Variants in OR2L13 observed in about 807,000 individuals in gnomAD.
The protein encoded by OR2L13 is olfactory receptor 2L13.
In OR2L13, 14 loss-of-function variants were observed where a neutral mutation model predicts 15.3. The ratio of observed to expected loss-of-function variants is 0.91; its 90% CI spans 0.60 to 1.43. The LOEUF (loss-of-function observed/expected upper bound fraction) is 1.43. Ranked by LOEUF, OR2L13 falls within the 40% of genes most tolerant of loss-of-function variation. The pLI, the probability that OR2L13 is intolerant of heterozygous loss-of-function variation, is 0.00. For missense variants in OR2L13, 367 were observed against 387.9 expected (o/e 0.95, Z 0.45); for synonymous variants, 152 against 142.9 (o/e 1.06, Z -0.45).
At chr1:247,971,495 G>A in the OR2L13 span, among the ~76,000 whole-genome samples, 1 of 152,134 alleles carries the variant, frequency 6.6e-6, no homozygotes, top group Non-Finnish European at 1.5e-5. Flanking sequence ...TGATGATAGG[G>A]TCATGTCATC....
At chr1:248,083,444 A>T in the OR2L13 span, 1 of 565,958 alleles carries the variant, frequency 1.8e-6, no homozygotes, top group Admixed American at 3.2e-5. Flanking sequence ...ATTTTACTTC[A>T]CTTGAAGAAA....
the OR2L13 span, among the ~76,000 whole-genome samples, chr1:248,052,896 TCTA>T: frequency 6.6e-6 from 1 of 152,150 alleles, no homozygotes; most frequent in Non-Finnish European, 1.5e-5. Flanking sequence ...TGATAGAGAT[TCTA>T]CTAATTTTTT....
At chr1:247,951,564 C>T in the OR2L13 span, among the ~76,000 whole-genome samples, 2 of 152,042 alleles carry the variant, frequency 1.3e-5, no homozygotes, top group Admixed American at 6.6e-5. Context: ...TATTTCTAAG[C>T]CTGTGGATAT....
the OR2L13 span, among the ~76,000 whole-genome samples, chr1:247,966,845 A>G: frequency 2.6e-5 from 4 of 152,206 alleles, no homozygotes; most frequent in Admixed American, 6.5e-5. Context: ...TTAATATTGA[A>G]TAATGTATTA....
chr1:248,096,046 T>G (rs969857304), upstream of OR2L13, among the ~76,000 whole-genome samples: 7 of 152,058 alleles, frequency 4.6e-5, no homozygotes, highest in Admixed American at 2.0e-4. Context: ...ATCAGGAAAC[T>G]CTCTGCTGCA....
chr1:248,016,102 A>T, the OR2L13 span, among the ~76,000 whole-genome samples: 1 of 152,178 alleles, frequency 6.6e-6, no homozygotes, highest in Non-Finnish European at 1.5e-5. Context: ...TGAATATGTG[A>T]ATTACTTAAA....
the OR2L13 span, among the ~76,000 whole-genome samples, chr1:248,065,637 A>G: frequency 2.3e-3 from 277 of 121,090 alleles, no homozygotes; most frequent in African/African-American, 8.5e-3. Context: ...TCCTGTGTCC[A>G]TGTGTTCTCA....
chr1:248,053,038 C>T, the OR2L13 span, among the ~76,000 whole-genome samples: 92 of 152,014 alleles, frequency 6.1e-4, no homozygotes, highest in Non-Finnish European at 1.1e-3. Flanking sequence ...ATTTGCTGCA[C>T]GTATCAATCC....
chr1:247,963,232 A>G, the OR2L13 span, among the ~76,000 whole-genome samples: 1 of 152,146 alleles, frequency 6.6e-6, no homozygotes, highest in African/African-American at 2.4e-5. Context: ...GTTTTCTGGG[A>G]AAGGTGAGGG....
At chr1:247,997,636 A>C in the OR2L13 span, among the ~76,000 whole-genome samples, 4 of 152,178 alleles carry the variant, frequency 2.6e-5, no homozygotes, top group African/African-American at 9.6e-5. Flanking sequence ...CAAGCTATAG[A>C]GTTTCATGAA....
At chr1:247,943,249 G>C in the OR2L13 span, among the ~76,000 whole-genome samples, 1 of 152,094 alleles carries the variant, frequency 6.6e-6, no homozygotes, top group Non-Finnish European at 1.5e-5. Context: ...ATAAAGATGG[G>C]AATAGTAGAC....
At chr1:247,956,821 C>G in the OR2L13 span, among the ~76,000 whole-genome samples, 1 of 152,216 alleles carries the variant, frequency 6.6e-6, no homozygotes, top group East Asian at 1.9e-4. Context: ...CTGAAGTTGC[C>G]TATCAGCTTA....
At chr1:248,004,583 G>A in the OR2L13 span, among the ~76,000 whole-genome samples, 10 of 152,248 alleles carry the variant, frequency 6.6e-5, no homozygotes, top group Admixed American at 3.3e-4. Context: ...CAGAGAGCTC[G>A]TCAGGGATTC....
the OR2L13 span, among the ~76,000 whole-genome samples, chr1:248,065,568 A>G: frequency 6.8e-6 from 1 of 147,748 alleles, no homozygotes; most frequent in Admixed American, 6.7e-5. Context: ...ATATCTCCTA[A>G]TGCTATCCCT....
At chr1:247,992,438 G>T in the OR2L13 span, among the ~76,000 whole-genome samples, 3 of 152,070 alleles carry the variant, frequency 2.0e-5, no homozygotes, top group Non-Finnish European at 2.9e-5. Context: ...ATATTTTTAC[G>T]TGGGAATATT....
At chr1:247,957,899 G>A in the OR2L13 span, among the ~76,000 whole-genome samples, 3 of 151,954 alleles carry the variant, frequency 2.0e-5, no homozygotes, top group African/African-American at 7.3e-5. Context: ...ACCAGCTCCT[G>A]GATTCATTGA....
the OR2L13 span, among the ~76,000 whole-genome samples, chr1:247,961,995 A>C: frequency 1.3e-5 from 2 of 152,054 alleles, no homozygotes; most frequent in Admixed American, 1.3e-4. Flanking sequence ...GGGAGAACCT[A>C]TTTTCGTTGC....
the OR2L13 span, among the ~76,000 whole-genome samples, chr1:248,020,740 A>G: frequency 2.6e-5 from 4 of 152,090 alleles, no homozygotes; most frequent in African/African-American, 9.7e-5. Flanking sequence ...TGACTTAGAG[A>G]AAGTTTGACT....
At chr1:248,056,172 T>C in the OR2L13 span, among the ~76,000 whole-genome samples, 1 of 152,280 alleles carries the variant, frequency 6.6e-6, no homozygotes, top group East Asian at 1.9e-4. Flanking sequence ...TACATCTTTA[T>C]TATTCTTTTT....
Sources: allele counts gnomAD v4.1 joint callset (sites outside exome capture counted in the v4.1 genomes callset), GRCh38; gene constraint gnomAD v4.1.1; transcripts MANE v1.5; gene names NCBI Gene and HGNC (gene_info 2026-07-23, HGNC 2026-07-21).